KCND3: variants seen among roughly 807,000 people sequenced by gnomAD.
KCND3 encodes the protein potassium voltage-gated channel subfamily D member 3, also known as A-type voltage-gated potassium channel KCND3.
Under a neutral mutation model 51.1 loss-of-function variants are expected in KCND3, and 9 were observed. That is an observed-to-expected ratio of 0.18 (90% CI 0.11 to 0.31). The LOEUF is 0.31. KCND3 is among the 10% of genes least tolerant of loss of function. KCND3 has a pLI of 1.00. For missense variants in KCND3, 526 were observed against 903.8 expected (o/e 0.58, Z 5.36); for synonymous variants, 349 against 368.0 (o/e 0.95, Z 0.59).
chr1:111,970,209 G>A (rs1202103268), intron 2 of KCND3, among the ~76,000 whole-genome samples: 4 of 152,024 alleles, frequency 2.6e-5, no homozygotes, highest in African/African-American at 7.2e-5. Context: ...TAGAGACAGG[G>A]TTTTACCATG....
intron 2 of KCND3, among the ~76,000 whole-genome samples, chr1:111,801,805 C>T (rs966236031): frequency 6.6e-6 from 1 of 152,226 alleles, no homozygotes; most frequent in Non-Finnish European, 1.5e-5. Flanking sequence ...CATCCTCATC[C>T]TCCGAGAACC....
chr1:111,985,716 C>T (rs1024762067), intron 1 of KCND3, among the ~76,000 whole-genome samples: 1 of 152,214 alleles, frequency 6.6e-6, no homozygotes, highest in Non-Finnish European at 1.5e-5. Flanking sequence ...CTCACTCAGT[C>T]GAGTTTTCTA....
intron 2 of KCND3, among the ~76,000 whole-genome samples, chr1:111,958,945 CAT>C (rs1398275083): frequency 6.6e-6 from 1 of 152,204 alleles, no homozygotes; most frequent in Non-Finnish European, 1.5e-5. Context: ...TGCCATTATG[CAT>C]CTTGCTTGTA....
chr1:111,903,942 C>T (rs962428788), intron 2 of KCND3, among the ~76,000 whole-genome samples: 1 of 152,178 alleles, frequency 6.6e-6, no homozygotes, highest in Non-Finnish European at 1.5e-5. Context: ...GGAGCTCAGT[C>T]CAGGCCACTG....
intron 2 of KCND3, among the ~76,000 whole-genome samples, chr1:111,842,360 G>C (rs910809471): frequency 3.3e-5 from 5 of 152,184 alleles, no homozygotes. Context: ...CCTGTGGGGA[G>C]CAGTCATGAG....
At chr1:111,852,412 C>A (rs1342241190) in intron 2 of KCND3, among the ~76,000 whole-genome samples, 1 of 152,244 alleles carries the variant, frequency 6.6e-6, no homozygotes. Context: ...TAAGCCTGAG[C>A]TGTGCATGCT....
intron 2 of KCND3, among the ~76,000 whole-genome samples, chr1:111,814,781 G>C: frequency 6.6e-6 from 1 of 152,226 alleles, no homozygotes. Context: ...CACAGGCCCA[G>C]CAGCCCAGCT....
At chr1:111,900,000 G>A (rs1217792928) in intron 2 of KCND3, among the ~76,000 whole-genome samples, 1 of 152,154 alleles carries the variant, frequency 6.6e-6, no homozygotes, top group Non-Finnish European at 1.5e-5. Context: ...AAGCAGTGAG[G>A]AGGCAGGGGT....
chr1:111,911,630 G>A (rs1353533533), intron 2 of KCND3, among the ~76,000 whole-genome samples: 3 of 152,182 alleles, frequency 2.0e-5, no homozygotes, highest in African/African-American at 7.2e-5. Flanking sequence ...CACCACTCAA[G>A]AATAATGTCA....
At chr1:111,947,761 A>G (rs1672850513) in intron 2 of KCND3, among the ~76,000 whole-genome samples, 1 of 152,232 alleles carries the variant, frequency 6.6e-6, no homozygotes, top group Admixed American at 6.5e-5. Context: ...TAATGGCTAA[A>G]AAATAACCTA....
intron 2 of KCND3, among the ~76,000 whole-genome samples, chr1:111,841,053 C>G (rs897018549): frequency 6.6e-6 from 1 of 152,160 alleles, no homozygotes; most frequent in Non-Finnish European, 1.5e-5. Context: ...TCTGTTCCAC[C>G]TTTTAAGGGA....
chr1:111,799,972 C>T (rs893789602), intron 2 of KCND3, among the ~76,000 whole-genome samples: 20 of 152,026 alleles, frequency 1.3e-4, no homozygotes, highest in African/African-American at 4.6e-4. Flanking sequence ...TGAGGGGCGC[C>T]TCTGCCCGGC....
chr1:111,792,202 A>C (rs1205647162), intron 2 of KCND3, among the ~76,000 whole-genome samples: 2 of 152,222 alleles, frequency 1.3e-5, no homozygotes, highest in Non-Finnish European at 2.9e-5. Context: ...GGAAAGGAAC[A>C]ATGTACCAGA....
chr1:111,918,376 T>A (rs1671320511), intron 2 of KCND3, among the ~76,000 whole-genome samples: 1 of 152,184 alleles, frequency 6.6e-6, no homozygotes, highest in African/African-American at 2.4e-5. Flanking sequence ...TGTAGTAAAT[T>A]AATTGATAGG....
intron 2 of KCND3, among the ~76,000 whole-genome samples, chr1:111,942,738 G>A (rs908911956): frequency 1.3e-5 from 2 of 152,222 alleles, no homozygotes; most frequent in Non-Finnish European, 2.9e-5. Flanking sequence ...AGATGTGTTA[G>A]GGAGAAAATA....
At position 111,773,915 on chromosome 1, in the gene KCND3, T is replaced by A. The variant is rs1664012358; in HGVS notation, c.*2162A>T. 6.6e-6 allele frequency: 1 copy of A among 152,198 alleles called. No individual in the cohort carries two copies. The highest frequency in any genetic ancestry group is 2.4e-5 in the African/African-American group (1 of 41,458). The allele number at this position is 152,198 out of a possible 1,614,324, so 9.4% of individuals were successfully genotyped here. The stretch of plus-strand genomic sequence containing the variant: ...TATATGAAGTGAATTGATTTAAGTA[T>A]GTATTCTCTGATGTGTTTAGGTTGG... On this transcript the variant is annotated 3_prime_UTR_variant, in exon 8 of 8. Coordinates refer to ENST00000302127, the MANE Select transcript of KCND3 (RefSeq NM_001378969.1).
chr1:111,777,170 C>G lies in KCND3; in HGVS notation c.1622G>C (p.Gly541Ala). 6.2e-7 allele frequency: 1 copy of G among 1,614,100 alleles called. No individual in the cohort carries two copies. The highest frequency in any genetic ancestry group is 8.5e-7 in the Non-Finnish European group (1 of 1,180,020). Residue 541 changes from glycine (G) to alanine (A), a missense_variant, in exon 7 of 8, where the codon GGC becomes GCC. Around this residue, in one of 5 missense-constraint regions of KCND3, gnomAD observed 266 missense variants for 305.5 expected, o/e 0.87. Coordinates refer to ENST00000302127, the MANE Select transcript of KCND3 (RefSeq NM_001378969.1). ...ACGGGAGCAGCAGGTGGTAGTGAGGCCTGGGTGGCTGGACAGTGAGGGACT... is the reference window on the plus strand; with the variant it reads ...ACGGGAGCAGCAGGTGGTAGTGAGGGCTGGGTGGCTGGACAGTGAGGGACT... ...TRSPSLSSHP[G>A]LTTTCCSRRS...
intron 2 of KCND3, among the ~76,000 whole-genome samples, chr1:111,837,548 T>C (rs1667120940): frequency 6.6e-6 from 1 of 152,158 alleles, no homozygotes; most frequent in South Asian, 2.1e-4. Context: ...TGACAGAGCC[T>C]GGATTTGGAC....
At chr1:111,812,325 T>C (rs1249579183) in intron 2 of KCND3, among the ~76,000 whole-genome samples, 3 of 152,052 alleles carry the variant, frequency 2.0e-5, no homozygotes, top group Non-Finnish European at 2.9e-5. Flanking sequence ...GCATGGGGAA[T>C]TAGGGGAAAT....
Sources: allele counts gnomAD v4.1 joint callset (sites outside exome capture counted in the v4.1 genomes callset), GRCh38; gene constraint gnomAD v4.1.1; regional missense constraint gnomAD v4.1.1; transcripts MANE v1.5; gene names NCBI Gene and HGNC (gene_info 2026-07-23, HGNC 2026-07-21).